Variants in CIMAP2 observed in about 807,000 individuals in gnomAD.
The protein encoded by CIMAP2 is ciliary microtubule associated protein 2, also known as ciliary microtubule-associated protein 2.
the CIMAP2 span, chr1:54,811,942 G>A: frequency 2.9e-5 from 46 of 1,613,970 alleles, no homozygotes; most frequent in South Asian, 1.9e-4. Context: ...GTACCCCCTC[G>A]GCTGGCCAGG....
At chr1:54,826,378 C>T in the CIMAP2 span, among the ~76,000 whole-genome samples, 9 of 152,186 alleles carry the variant, frequency 5.9e-5, no homozygotes, top group East Asian at 3.9e-4. Context: ...GGGACCTGGC[C>T]GCACTGCTGG....
chr1:54,840,836 T>A, the CIMAP2 span, among the ~76,000 whole-genome samples: 1 of 152,266 alleles, frequency 6.6e-6, no homozygotes, highest in South Asian at 2.1e-4. Context: ...GTTCCTTAGA[T>A]ATTCTAAGCA....
the CIMAP2 span, chr1:54,808,025 T>C: frequency 2.0e-6 from 3 of 1,536,948 alleles, no homozygotes; most frequent in South Asian, 1.3e-5. Context: ...GGTGTTCTCA[T>C]GTCTGGAGTC....
chr1:54,819,860 CCTTCCTCT>C, the CIMAP2 span, among the ~76,000 whole-genome samples: 1 of 138,844 alleles, frequency 7.2e-6, no homozygotes, highest in Non-Finnish European at 1.5e-5. Context: ...TTCCTTCCTT[CCTTCCTCT>C]CTTTCTTCCT....
chr1:54,829,496 G>A, the CIMAP2 span, among the ~76,000 whole-genome samples: 1 of 152,190 alleles, frequency 6.6e-6, no homozygotes, highest in East Asian at 1.9e-4. Context: ...ATGATGCCAG[G>A]AGGCACAGAA....
At chr1:54,836,428 G>A in the CIMAP2 span, among the ~76,000 whole-genome samples, 550 of 151,986 alleles carry the variant, frequency 3.6e-3, 6 homozygotes, top group African/African-American at 0.013. Context: ...CAGGGAAGGA[G>A]GGGGAGATTC....
chr1:54,811,183 G>T, the CIMAP2 span, among the ~76,000 whole-genome samples: 1 of 152,198 alleles, frequency 6.6e-6, no homozygotes, highest in African/African-American at 2.4e-5. Context: ...GCAGAGCCAG[G>T]ATCTGAACCC....
the CIMAP2 span, chr1:54,814,818 G>A: frequency 6.5e-7 from 1 of 1,541,052 alleles, no homozygotes; most frequent in Non-Finnish European, 8.9e-7. Flanking sequence ...GCTGCTGGAT[G>A]GGTGGAGTCA....
the CIMAP2 span, among the ~76,000 whole-genome samples, chr1:54,838,936 G>GC: frequency 1.6e-4 from 2 of 12,458 alleles, no homozygotes; most frequent in Non-Finnish European, 9.0e-4. Flanking sequence ...GGCAGGGATT[G>GC]GGGGGAGTAG....
At chr1:54,831,545 C>T in the CIMAP2 span, among the ~76,000 whole-genome samples, 2 of 152,014 alleles carry the variant, frequency 1.3e-5, no homozygotes, top group Non-Finnish European at 2.9e-5. Context: ...CCCAGCTACT[C>T]AGGATGCTGA....
chr1:54,808,521 G>A, the CIMAP2 span, among the ~76,000 whole-genome samples: 11 of 151,996 alleles, frequency 7.2e-5, no homozygotes, highest in African/African-American at 2.7e-4. Context: ...CCGAGGGTGA[G>A]AGGAGGCGAG....
chr1:54,826,299 G>C, the CIMAP2 span, among the ~76,000 whole-genome samples: 5 of 152,312 alleles, frequency 3.3e-5, no homozygotes, highest in South Asian at 1.0e-3. Context: ...TTTGCCCTAG[G>C]TCAGCTTATT....
chr1:54,830,103 G>T, the CIMAP2 span, among the ~76,000 whole-genome samples: 2 of 152,180 alleles, frequency 1.3e-5, no homozygotes, highest in Non-Finnish European at 2.9e-5. This position sits in a 1 kb window ranked among gnomAD's most constrained non-coding sequence, Gnocchi z 4.1. Context: ...TTTCCTCTCT[G>T]GGGGTTGTAA....
At chr1:54,826,712 G>C in the CIMAP2 span, among the ~76,000 whole-genome samples, 13 of 152,240 alleles carry the variant, frequency 8.5e-5, no homozygotes, top group Non-Finnish European at 1.3e-4. Context: ...GAACACAGGG[G>C]ATCTCTTGCT....
the CIMAP2 span, among the ~76,000 whole-genome samples, chr1:54,810,021 C>T: frequency 9.2e-4 from 140 of 152,266 alleles, 2 homozygotes; most frequent in African/African-American, 3.1e-3. Context: ...TCCCATCAGC[C>T]CAAGTGTGGT....
At chr1:54,831,898 G>A in the CIMAP2 span, among the ~76,000 whole-genome samples, 1 of 152,202 alleles carries the variant, frequency 6.6e-6, no homozygotes, top group African/African-American at 2.4e-5. Flanking sequence ...AGAGGCTGGA[G>A]TGCAGTGGCA....
chr1:54,808,723 G>T, the CIMAP2 span, among the ~76,000 whole-genome samples: 1 of 151,758 alleles, frequency 6.6e-6, no homozygotes, highest in African/African-American at 2.4e-5. Flanking sequence ...GAGAGGTGGG[G>T]GTGGCAGCGC....
At chr1:54,811,862 C>T in the CIMAP2 span, 1 of 1,605,686 alleles carries the variant, frequency 6.2e-7, no homozygotes, top group East Asian at 2.3e-5. Flanking sequence ...AGGAGAATGC[C>T]TGGAACCGGT....
At chr1:54,833,191 G>A in the CIMAP2 span, among the ~76,000 whole-genome samples, 1 of 152,288 alleles carries the variant, frequency 6.6e-6, no homozygotes, top group South Asian at 2.1e-4. Context: ...CTAAAGCAAT[G>A]CGAAGGGTGA....
Sources: gnomAD v4.1 joint callset for allele counts (sites outside exome capture counted in the v4.1 genomes callset) on GRCh38, gnomAD v4.1.1 for gene constraint, Gnocchi (gnomAD v3.1) non-coding constraint, MANE v1.5 for transcripts, NCBI Gene and HGNC (gene_info 2026-07-23, HGNC 2026-07-21) for gene names.